The following MYO9B variants were observed in gnomAD, a reference collection of about 807,000 sequenced individuals.
MYO9B encodes the protein unconventional myosin-IXb.
A neutral mutation model predicts 229.5 loss-of-function variants in MYO9B; 71 were observed. The observed-to-expected ratio is 0.31, with a 90% CI of 0.26 to 0.38. The LOEUF is 0.38. Ranked by LOEUF, MYO9B falls within the 10% of genes least tolerant of loss-of-function variation. MYO9B has a pLI of 1.00. For missense variants in MYO9B, 2,255 were observed against 2,920.5 expected (o/e 0.77, Z 5.25); for synonymous variants, 1,185 against 1,235.8 (o/e 0.96, Z 0.86).
Position 17,195,085 on chromosome 19 carries a change from G to C in MYO9B, c.3658G>C (p.Glu1220Gln), listed in dbSNP as rs1403788305. The C allele has an allele frequency of 8.1e-6, 13 of 1,612,850 alleles. No homozygotes were observed. Among genetic ancestry groups the C allele is most frequent in the African/African-American group, 1.3e-5 (1 of 74,930 alleles). Residue 1220 changes from glutamate to glutamine, a missense_variant, in exon 22 of 40, where the codon GAG becomes CAG. Coordinates refer to ENST00000682292, the MANE Select transcript of MYO9B (RefSeq NM_004145.4). This position sits in a 1 kb window ranked among gnomAD's most constrained non-coding sequence, Gnocchi z 4.5. ...AENTSQKQPT[E>Q]QPQAMAVGKV... ...GAACACATCTCAAAAGCAGCCCACAGAGCAACCCCAGGCCATGGCAGTTGG... is the reference window on the plus strand; with the variant it reads ...GAACACATCTCAAAAGCAGCCCACACAGCAACCCCAGGCCATGGCAGTTGG...
intron 1 of MYO9B, among the ~76,000 whole-genome samples, chr19:17,096,155 G>T (rs576813532): frequency 6.6e-6 from 1 of 152,132 alleles, no homozygotes; most frequent in African/African-American, 2.4e-5. Context: ...TCCTGAACTC[G>T]TTGGTTCCTT....
Position 17,191,165 on chromosome 19 carries a change from C to G in MYO9B, c.2757C>G (p.Thr919=). Residue 919 remains threonine, a synonymous_variant, in exon 20 of 40, where the codon ACC becomes ACG. Transcript: ENST00000682292. ...AGCCCTGCAGGGAGGTCATCTCCACCCTCCTGGAGAAAATGAAGATAGACA... is the reference window on the plus strand; with the variant it reads ...AGCCCTGCAGGGAGGTCATCTCCACGCTCCTGGAGAAAATGAAGATAGACA... ...DAQPCREVIS[T]LLEKMKIDKR... The G allele has an allele frequency of 6.2e-7, 1 of 1,612,512 alleles. No homozygotes were observed. The highest frequency in any genetic ancestry group is 8.5e-7 in the Non-Finnish European group (1 of 1,179,184).
chr19:17,170,831 T>A (rs377364476), intron 11 of MYO9B, among the ~76,000 whole-genome samples: 30 of 120,844 alleles, frequency 2.5e-4, no homozygotes, highest in Middle Eastern at 4.3e-3. Context: ...CTCTAAAAAT[T>A]AAAAAAAAAA....
intron 14 of MYO9B, among the ~76,000 whole-genome samples, chr19:17,179,899 C>CA (rs1442740906): frequency 1.2e-4 from 16 of 131,328 alleles, no homozygotes; most frequent in African/African-American, 2.4e-4. Flanking sequence ...ACACTGTTTC[C>CA]AAAAAAAAAT....
At position 17,193,143 on chromosome 19, in the gene MYO9B, C is replaced by A; in HGVS notation, c.3128+81C>A. On this transcript the variant is annotated intron_variant, in intron 21 of 39. Coordinates refer to ENST00000682292, the MANE Select transcript of MYO9B (RefSeq NM_004145.4). The surrounding 1 kb of genome is among the most constrained non-coding windows in gnomAD (Gnocchi z 4.3). ...CACCAAATTGCTGCCCGTGATATAC[C>A]ATCTGGCCTGTGGCACTAAGGGGAT... 7.3e-7 allele frequency: 1 copy of A among 1,368,072 alleles called. No homozygotes were observed. Among genetic ancestry groups the A allele is most frequent in the Non-Finnish European group, 9.6e-7 (1 of 1,044,698 alleles). The allele number at this position is 1,368,072 out of a possible 1,614,324, so 84.7% of individuals were successfully genotyped here. A position where few individuals can be genotyped will look rare whatever the true frequency, so the allele number is the denominator to read the frequency against.
chr19:17,152,349 G>A (rs889131985), intron 3 of MYO9B, among the ~76,000 whole-genome samples: 19 of 152,302 alleles, frequency 1.2e-4, no homozygotes, highest in African/African-American at 4.3e-4. Context: ...CATAGGTCAA[G>A]AGTTTGAGAT....
chr19:17,080,105 G>T (rs112737022), intron 1 of MYO9B, among the ~76,000 whole-genome samples: 3,568 of 152,300 alleles, frequency 0.023, 157 homozygotes, highest in African/African-American at 0.082. Flanking sequence ...CAAGGGTTCA[G>T]CCCATGGGTT....
intron 17 of MYO9B, among the ~76,000 whole-genome samples, chr19:17,185,436 C>T (rs1311481932): frequency 1.3e-5 from 2 of 151,194 alleles, no homozygotes; most frequent in African/African-American, 2.4e-5. Context: ...ATCTCAGCTC[C>T]TTGGGAGGCT....
At chr19:17,151,151 C>A (rs557971386) in intron 3 of MYO9B, among the ~76,000 whole-genome samples, 1 of 151,882 alleles carries the variant, frequency 6.6e-6, no homozygotes, top group African/African-American at 2.4e-5. Flanking sequence ...TGGTGGTGGG[C>A]GCCTGTAATC....
intron 22 of MYO9B, among the ~76,000 whole-genome samples, chr19:17,196,422 G>C (rs367988436): frequency 6.6e-6 from 1 of 152,048 alleles, no homozygotes; most frequent in African/African-American, 2.4e-5. Context: ...TAGGCTGGGC[G>C]CGATGGCTCA....
intron 8 of MYO9B, among the ~76,000 whole-genome samples, chr19:17,160,743 A>T (rs1245755639): frequency 1.3e-5 from 2 of 151,950 alleles, no homozygotes; most frequent in South Asian, 2.1e-4. Context: ...CCTGTTGCCC[A>T]GGCTGGAGTG....
At position 17,118,594 on chromosome 19, in the gene MYO9B, GCCTCAGCCTC is replaced by G. The variant is rs2057930694; in HGVS notation, c.840+16040_840+16049del. Among the ~76,000 whole-genome samples, 3 of 151,942 alleles carry G rather than the reference GCCTCAGCCTC, an allele frequency of 2.0e-5. No individual in the cohort carries two copies. The South Asian group carries it at 6.2e-4, about 32-fold the overall frequency. On this transcript the variant is annotated intron_variant, in intron 2 of 39. Transcript: ENST00000682292. ...CCTCCCAGGTTCAAGTGATTCTCCT[GCCTCAGCCTC>G]CCAAATAGCTGGGACTACAGGCGTG...
intron 11 of MYO9B, among the ~76,000 whole-genome samples, chr19:17,169,259 C>G (rs950294564): frequency 2.0e-5 from 3 of 151,342 alleles, no homozygotes; most frequent in African/African-American, 7.3e-5. Flanking sequence ...GTAATCCCAG[C>G]TACTCAGGAG....
intron 1 of MYO9B, among the ~76,000 whole-genome samples, chr19:17,080,263 G>A (rs1380764845): frequency 2.0e-5 from 3 of 152,192 alleles, no homozygotes; most frequent in Non-Finnish European, 4.4e-5. Flanking sequence ...GTTTGCTAGG[G>A]CTGCTGTAAC....
chr19:17,173,258 G>A (rs2072746000), intron 13 of MYO9B, among the ~76,000 whole-genome samples: 1 of 140,680 alleles, frequency 7.1e-6, no homozygotes, highest in African/African-American at 2.6e-5. Context: ...TCTTCCTAGT[G>A]TTTTGCCTCT....
Position 17,195,404 on chromosome 19 carries a change from C to T in MYO9B, c.3977C>T (p.Ala1326Val). 2 of 1,609,028 alleles carry T rather than the reference C, an allele frequency of 1.2e-6. No individual in the cohort carries two copies. Among genetic ancestry groups the T allele is most frequent in the Non-Finnish European group, 1.7e-6 (2 of 1,179,232 alleles). The change falls in exon 22 of 40, where the codon GCC (alanine) becomes GTC (valine). Residue 1326 changes from alanine (A) to valine (V), a missense_variant. Transcript: ENST00000682292. The surrounding 1 kb of genome is among the most constrained non-coding windows in gnomAD (Gnocchi z 4.5). ...KKLVAAASPS[A>V]MLSQSLDLSD... ...CTGGTGGCCGCCGCCAGCCCTAGTG[C>T]CATGCTCAGCCAGTCCCTGGACCTC...
intron 27 of MYO9B, 49 bp from the exon 28 acceptor site, chr19:17,202,081 C>T: frequency 6.2e-7 from 1 of 1,611,932 alleles, no homozygotes; most frequent in Non-Finnish European, 8.5e-7. Context: ...CCGTCATTCC[C>T]ATCCGCCCCT....
intron 1 of MYO9B, among the ~76,000 whole-genome samples, chr19:17,100,834 C>T (rs1353207114): frequency 6.6e-6 from 1 of 152,096 alleles, no homozygotes; most frequent in Non-Finnish European, 1.5e-5. Flanking sequence ...CGGACTTCAT[C>T]TTCCTAGGTT....
rs1175373439 is a variant in MYO9B, at chr19:17,102,074, G to C, written c.357G>C (p.Lys119Asn). 5.0e-6 allele frequency: 8 copies of C among 1,612,636 alleles called. No homozygotes were observed. The African/African-American group carries it at 1.1e-4, about 22-fold the overall frequency. The change falls in exon 2 of 40, where the codon AAG becomes AAC. Residue 119 changes from lysine to asparagine, a missense_variant. By Grantham distance (94) the Lys-to-Asn change is moderately conservative. This residue lies in a region of MYO9B where 386 missense variants were observed against 515.2 expected (regional missense o/e 0.75). Coordinates refer to ENST00000682292, the MANE Select transcript of MYO9B (RefSeq NM_004145.4). ...LQERNADGTIKYVHMQLVAQA... is the reference protein window; with the variant it reads ...LQERNADGTINYVHMQLVAQA... ...AGCGCAACGCAGATGGAACCATCAA[G>C]TACGTGCATATGCAGCTGGTGGCGC...
Sources: gnomAD v4.1 joint callset for allele counts (sites outside exome capture counted in the v4.1 genomes callset) on GRCh38, gnomAD v4.1.1 for gene constraint, gnomAD v4.1.1 regional missense constraint, Gnocchi (gnomAD v3.1) non-coding constraint, MANE v1.5 for transcripts, NCBI Gene and HGNC (gene_info 2026-07-23, HGNC 2026-07-21) for gene names.